The following TUBE1 variants were observed in gnomAD, a reference collection of about 807,000 sequenced individuals.
TUBE1 encodes the protein tubulin epsilon 1.
TUBE1 carries 34 observed loss-of-function variants against 53.5 expected under a neutral mutation model. The observed-to-expected ratio is 0.64, with a 90% CI of 0.48 to 0.85. The LOEUF is 0.85. Among genes scored for constraint, TUBE1 ranks in the 40% least tolerant of loss-of-function variants. The pLI is 0.00. For synonymous variants in TUBE1, 177 were observed against 198.4 expected (o/e 0.89, Z 0.91); for missense variants, 532 against 570.5 (o/e 0.93, Z 0.69).
Position 112,072,012 on chromosome 6 carries a change from CG to C in TUBE1, c.1158del (p.Val387TyrfsTer11). 2 of 1,612,510 alleles carry C rather than the reference CG, an allele frequency of 1.2e-6. No individual in the cohort carries two copies. Among genetic ancestry groups the C allele is most frequent in the Non-Finnish European group, 1.7e-6 (2 of 1,179,310 alleles). ...NQEGWKTSLCSVPPVGHSHSL... is the reference protein window; with the variant it reads ...NQEGWKTSLCXVPPVGHSHSL... ...GAATGAGAATGGCCCACAGGAGGTA[CG>C]GAACACAGGCTGGTCTTCCAGCCTT... is the stretch of plus-strand genomic sequence containing the variant. On this transcript the variant is annotated frameshift_variant, in exon 11 of 12. Transcript: ENST00000368662. LOFTEE classifies it high-confidence loss of function.
rs1046115571 is a variant in TUBE1 at position 112,084,068 on chromosome 6, A to T, written c.210+121T>A. 5.0e-5 allele frequency: 37 copies of T among 742,868 alleles called. No individual in the cohort carries two copies. In the East Asian group the frequency reaches 1.0e-3, roughly 20 times the overall value. 46.0% of individuals were successfully genotyped at this position (742,868 alleles called of 1,614,324 possible). On this transcript the variant is annotated intron_variant, in intron 4 of 11. Transcript: ENST00000368662. ...TGTCTGCTTAGTTATATTTATATTA[A>T]ATGTGGCTTAGTAATTTTTTTCTAC...
intron 10 of TUBE1, 29 bp downstream of exon 10, chr6:112,072,729 C>T (rs914763038): frequency 3.1e-6 from 5 of 1,608,426 alleles, no homozygotes; most frequent in Non-Finnish European, 4.2e-6. Flanking sequence ...GCAGCACACA[C>T]AAATTATCTT....
chr6:112,077,442 G>A (rs1488965652), intron 6 of TUBE1: 1 of 151,404 alleles, frequency 6.6e-6, no homozygotes, highest in Non-Finnish European at 1.5e-5. Context: ...ACTATTAGTA[G>A]GCTATGAAAC....
intron 3 of TUBE1, chr6:112,085,337 G>C (rs1433852709): frequency 2.5e-5 from 4 of 161,824 alleles, no homozygotes; most frequent in African/African-American, 9.6e-5. Context: ...AACTTACCGG[G>C]AAAATAATAG....
At chr6:112,071,620 C>T in intron 11 of TUBE1, 50 bp from the exon 12 acceptor site, 1 of 1,410,502 alleles carries the variant, frequency 7.1e-7, no homozygotes, top group Non-Finnish European at 9.7e-7. Context: ...AACTTTAATA[C>T]ATAAGACTAT....
chr6:112,074,498 T>C (rs1776921027), intron 9 of TUBE1, among the ~76,000 whole-genome samples: 4 of 152,148 alleles, frequency 2.6e-5, no homozygotes, highest in Admixed American at 2.6e-4. Flanking sequence ...ATTTAATCAT[T>C]AGATTTAAGT....
At chr6:112,085,237 A>C (rs1221379897) in intron 3 of TUBE1, 1 of 152,932 alleles carries the variant, frequency 6.5e-6, no homozygotes, top group Non-Finnish European at 1.5e-5. Context: ...TTACTTTGAA[A>C]AATATTTTTT....
At chr6:112,081,321 T>TA (rs2114489030) in intron 4 of TUBE1, 114 bp from the exon 5 acceptor site, 1 of 454,624 alleles carries the variant, frequency 2.2e-6, no homozygotes, top group Admixed American at 4.1e-5. Flanking sequence ...AGTTTAAGCT[T>TA]AATTAAAATC....
In TUBE1 at chr6:112,081,153, G is replaced by A; in HGVS notation, c.265C>T (p.Leu89=). The A allele has an allele frequency of 1.2e-6, 2 of 1,610,422 alleles. No homozygotes were observed. Among genetic ancestry groups the A allele is most frequent in the African/African-American group, 2.7e-5 (2 of 74,962 alleles). Residue 89 remains leucine (L), a synonymous_variant, in exon 5 of 12, where the codon CTG becomes TTG. Transcript: ENST00000368662. ...TGTTTCGTATCAAATACATCTCTCA[G>A]TGGTCCCTGCAGAATTTCATTCACT... is the stretch of plus-strand genomic sequence containing the variant. The part of the protein sequence containing the change: ...GVVNEILQGP[L]RDVFDTKQLI...
chr6:112,072,831 T>C lies in TUBE1; in HGVS notation c.1021A>G (p.Ser341Gly). 1 of 1,613,738 alleles carries C rather than the reference T, an allele frequency of 6.2e-7. No individual in the cohort carries two copies. Among genetic ancestry groups the C allele is most frequent in the Non-Finnish European group, 8.5e-7 (1 of 1,179,764 alleles). The change falls in exon 10 of 12, where the codon AGT becomes GGT. Residue 341 changes from serine (S) to glycine (G), a missense_variant. Transcript: ENST00000368662. The stretch of plus-strand genomic sequence containing the variant: ...ATGAGTGCACAGGCGAGGTAAAGAC[T>C]GTGTTTGGGGTCTGCCCGAAGCAGC... ...HQLLRADPKHSLYLACALMVR... is the reference protein window; with the variant it reads ...HQLLRADPKHGLYLACALMVR...
In TUBE1 at chr6:112,079,719, T is replaced by C. The variant is rs782115613; in HGVS notation, c.362A>G (p.Gln121Arg). 13 of 1,611,370 alleles carry C rather than the reference T, an allele frequency of 8.1e-6. No individual in the cohort carries two copies. The South Asian group carries it at 1.4e-4, about 18-fold the overall frequency. Residue 121 changes from glutamine (Q) to arginine (R), a missense_variant, in exon 6 of 12, where the codon CAA (glutamine) becomes CGA (arginine). Coordinates refer to ENST00000368662, the MANE Select transcript of TUBE1 (RefSeq NM_016262.5). ...TCTGAATTTCTCTAAAATCTGGTCTTGGTAAAGACTGCCGAAAACTTTGTG... is the reference window on the plus strand; with the variant it reads ...TCTGAATTTCTCTAAAATCTGGTCTCGGTAAAGACTGCCGAAAACTTTGTG... ...VGHKVFGSLY[Q>R]DQILEKFRKS... is the part of the protein sequence containing the mutation.
chr6:112,073,693 C>T (rs1259383910), intron 9 of TUBE1, among the ~76,000 whole-genome samples: 17 of 152,104 alleles, frequency 1.1e-4, no homozygotes, highest in African/African-American at 4.1e-4. Context: ...TTGTGACATT[C>T]CTGAAGTATA....
chr6:112,072,966 A>T, intron 9 of TUBE1, 68 bp from the exon 10 acceptor site: 3 of 1,496,892 alleles, frequency 2.0e-6, no homozygotes, highest in Non-Finnish European at 2.7e-6. Context: ...TATAAAATGA[A>T]GATAGTCCTC....
At chr6:112,082,089 A>G (rs1777080447) in intron 4 of TUBE1, among the ~76,000 whole-genome samples, 1 of 152,204 alleles carries the variant, frequency 6.6e-6, no homozygotes, top group South Asian at 2.1e-4. Flanking sequence ...TATAACATTA[A>G]GCAGTGAGTT....
intron 8 of TUBE1, chr6:112,075,402 T>C (rs1281293604): frequency 6.6e-6 from 1 of 152,360 alleles, no homozygotes; most frequent in African/African-American, 2.4e-5. Context: ...TATACTATTA[T>C]AGTTGCTCAT....
chr6:112,079,860 A>C (rs782734856), intron 5 of TUBE1, 106 bp from the exon 6 acceptor site: 39 of 1,099,398 alleles, frequency 3.5e-5, no homozygotes, highest in Non-Finnish European at 5.1e-5. Context: ...AAGTATTCTT[A>C]TTGAGCTAAG....
rs377330562 is a variant in TUBE1, at chr6:112,075,973, T to C, written c.776A>G (p.Asn259Ser). 211 of 1,613,598 alleles carry C rather than the reference T, an allele frequency of 1.3e-4. No individual in the cohort carries two copies. The highest frequency in any genetic ancestry group is 1.8e-4 in the Non-Finnish European group (208 of 1,179,784). Reference sequence around the variant, plus strand: ...GAGGAGCAAATTTGCCACAATGTTATTCATTGCATCAAAGGGCTTCTTATG... The same window carrying C: ...GAGGAGCAAATTTGCCACAATGTTACTCATTGCATCAAAGGGCTTCTTATG... ...KQHKKPFDAM[N>S]NIVANLLLNL... is the part of the protein sequence containing the mutation. Residue 259 changes from asparagine to serine, a missense_variant, in exon 8 of 12, where the codon AAT becomes AGT. By Grantham distance (46) the Asn-to-Ser change is conservative (BLOSUM62 1). Transcript: ENST00000368662.
Position 112,071,570 on chromosome 6 carries a change from C to A in TUBE1, c.1270G>T (p.Ala424Ser), listed in dbSNP as rs782251012. Residue 424 changes from alanine (A) to serine (S), a missense_variant and splice_region_variant, in exon 12 of 12, where the codon GCT becomes TCT. Transcript: ENST00000368662. ...ERFMRLYKKK[A>S]HLHHYLQVEG... ...ACTTGTAGATAGTGATGAAGGTGAG[C>A]CTATAAATTAAAAAATTAGGTAACG... 2 of 1,593,166 alleles carry A rather than the reference C, an allele frequency of 1.3e-6. No individual in the cohort carries two copies. The highest frequency in any genetic ancestry group is 1.1e-5 in the South Asian group (1 of 88,126).
At chr6:112,075,020 T>C in intron 8 of TUBE1, 170 bp from the exon 9 acceptor site, 1 of 358,178 alleles carries the variant, frequency 2.8e-6, no homozygotes, top group Non-Finnish European at 5.0e-6. Flanking sequence ...AGAACAATCA[T>C]GTATAAAATA....
Sources: allele counts gnomAD v4.1 joint callset (sites outside exome capture counted in the v4.1 genomes callset), GRCh38; gene constraint gnomAD v4.1.1; transcripts MANE v1.5; gene names NCBI Gene and HGNC (gene_info 2026-07-23, HGNC 2026-07-21).